Variants in PARG observed in about 807,000 individuals in gnomAD.
PARG encodes mitochondrial poly(ADP-ribose) glycohydrolase.
A neutral mutation model predicts 113.0 loss-of-function variants in PARG; 35 were observed. The observed-to-expected ratio is 0.31, with a 90% CI of 0.24 to 0.41. The LOEUF is 0.41. PARG is among the 10% of genes least tolerant of loss of function. The pLI is 1.00. For missense variants in PARG, 797 were observed against 1,169.4 expected (o/e 0.68, Z 4.64); for synonymous variants, 330 against 409.9 (o/e 0.81, Z 2.36).
chr10:49,853,949 A>G (rs2132505329), intron 13 of PARG, among the ~76,000 whole-genome samples: 1 of 151,768 alleles, frequency 6.6e-6, no homozygotes, highest in Middle Eastern at 3.4e-3. Flanking sequence ...AAACCTCTGA[A>G]AACTCTCTCC....
chr10:49,921,179 C>G (rs1472581985), intron 6 of PARG, among the ~76,000 whole-genome samples: 2 of 152,148 alleles, frequency 1.3e-5, no homozygotes, highest in African/African-American at 2.4e-5. Flanking sequence ...ACTGATCCCC[C>G]ATCTACTATC....
At chr10:49,922,696 C>T (rs1421529285) in intron 4 of PARG, 27 bp from the exon 5 acceptor site, 2 of 1,462,422 alleles carry the variant, frequency 1.4e-6, no homozygotes, top group Non-Finnish European at 1.9e-6. Flanking sequence ...ACAAAATTGT[C>T]AGTGCATAAA....
intron 16 of PARG, among the ~76,000 whole-genome samples, chr10:49,831,838 C>G (rs147153636): frequency 7.9e-5 from 12 of 152,184 alleles, no homozygotes; most frequent in African/African-American, 2.9e-4. Context: ...AATTATGGAA[C>G]CTGAGGTGGG....
chr10:49,894,547 TGTATA>T (rs1847982240), intron 7 of PARG, among the ~76,000 whole-genome samples: 1 of 152,166 alleles, frequency 6.6e-6, no homozygotes, highest in Non-Finnish European at 1.5e-5. Flanking sequence ...TTATTTTCTA[TGTATA>T]GTATGTGGGA....
chr10:49,941,765 C>T lies in PARG; in HGVS notation c.-40G>A, dbSNP rs1839096037. ...CGCACTGTCCCCGGGCCGGCCCGGG[C>T]GGAGAGCCTCATTCACTAACCCTGA... On this transcript the variant is annotated 5_prime_UTR_variant, in exon 1 of 18. Transcript: ENST00000616448. 5 of 1,543,592 alleles carry T rather than the reference C, an allele frequency of 3.2e-6. No individual in the cohort carries two copies. The highest frequency in any genetic ancestry group is 4.4e-6 in the Non-Finnish European group (5 of 1,148,606).
intron 15 of PARG, among the ~76,000 whole-genome samples, chr10:49,836,306 A>AT (rs1844922089): frequency 3.8e-5 from 1 of 26,282 alleles, no homozygotes; most frequent in African/African-American, 7.0e-5. Flanking sequence ...ATTTCTTACG[A>AT]CTTTTTTTTT....
intron 7 of PARG, among the ~76,000 whole-genome samples, chr10:49,897,634 A>G (rs1274915890): frequency 2.0e-5 from 3 of 152,230 alleles, no homozygotes; most frequent in Admixed American, 6.5e-5. Context: ...TTATCTTCAA[A>G]GTATCCTTGC....
intron 15 of PARG, among the ~76,000 whole-genome samples, chr10:49,837,140 T>C (rs1844979010): frequency 6.6e-6 from 1 of 152,094 alleles, no homozygotes; most frequent in African/African-American, 2.4e-5. Flanking sequence ...CCAACTCTAC[T>C]TGCAGGTCAC....
rs367672961 is a variant in PARG at position 49,832,889 on chromosome 10, C to T, written c.2561G>A (p.Arg854His). 52 of 1,546,822 alleles carry T rather than the reference C, an allele frequency of 3.4e-5. No homozygotes were observed. Among genetic ancestry groups the T allele is most frequent in the African/African-American group, 6.9e-5 (5 of 72,904 alleles). The change falls in exon 16 of 18, where the codon CGT becomes CAT. Residue 854 changes from arginine to histidine, a missense_variant. Physicochemically the swap from Arg to His is conservative, Grantham distance 29. Around this residue, in one of 5 missense-constraint regions of PARG, gnomAD observed 194 missense variants for 247.1 expected, o/e 0.79. Transcript: ENST00000616448. The part of the protein sequence containing the change: ...ELNKAYCGFL[R>H]PGVSSENLSA... ...AAGATTCTCTGAAGAAACTCCAGGA[C>T]GGAGAAATCCACAGTAAGCCTGCAG... is the stretch of plus-strand genomic sequence containing the variant.
chr10:49,843,868 T>A (rs936904287), intron 13 of PARG, among the ~76,000 whole-genome samples: 2 of 152,146 alleles, frequency 1.3e-5, no homozygotes, highest in Non-Finnish European at 2.9e-5. Flanking sequence ...ATCACTGAAC[T>A]AAAGAGAGAG....
intron 10 of PARG, 84 bp downstream of exon 10, chr10:49,869,392 A>G (rs1388614371): frequency 3.0e-6 from 2 of 668,614 alleles, no homozygotes; most frequent in African/African-American, 3.7e-5. Flanking sequence ...GTTTACGTTA[A>G]ACACAAAATG....
At chr10:49,892,919 T>A (rs1173896224) in intron 7 of PARG, among the ~76,000 whole-genome samples, 2 of 152,216 alleles carry the variant, frequency 1.3e-5, no homozygotes, top group Non-Finnish European at 2.9e-5. Context: ...CTATCTCTAC[T>A]AAAAATACAA....
At chr10:49,836,677 C>A (rs1038487478) in intron 15 of PARG, among the ~76,000 whole-genome samples, 10 of 152,270 alleles carry the variant, frequency 6.6e-5, no homozygotes, top group African/African-American at 2.2e-4. Flanking sequence ...TATGAAAAGA[C>A]TGTAAGTGCT....
At chr10:49,878,447 G>A (rs555904349) in intron 9 of PARG, among the ~76,000 whole-genome samples, 4 of 149,990 alleles carry the variant, frequency 2.7e-5, no homozygotes, top group East Asian at 2.0e-4. Flanking sequence ...GTGAAACCCC[G>A]TCTCTACTAA....
At chr10:49,927,593 A>G (rs3106113) in intron 4 of PARG, among the ~76,000 whole-genome samples, 1 of 152,120 alleles carries the variant, frequency 6.6e-6, no homozygotes, top group Non-Finnish European at 1.5e-5. Context: ...AGAATTGGCT[A>G]AGGAGGAAGA....
chr10:49,831,541 G>A (rs899395440), intron 16 of PARG, among the ~76,000 whole-genome samples: 3 of 152,094 alleles, frequency 2.0e-5, no homozygotes, highest in Non-Finnish European at 4.4e-5. Context: ...TGCACATCCG[G>A]GAGTCAGGGG....
At chr10:49,917,138 G>A (rs186438739) in intron 6 of PARG, among the ~76,000 whole-genome samples, 697 of 152,234 alleles carry the variant, frequency 4.6e-3, no homozygotes, top group East Asian at 0.018. Flanking sequence ...TAGCCAGAAA[G>A]AGTGAAAGAG....
At position 49,869,514 on chromosome 10, in the gene PARG, T is replaced by G. The variant is rs1554837516; in HGVS notation, c.2030A>C (p.Lys677Thr). 2 of 1,249,376 alleles carry G rather than the reference T, an allele frequency of 1.6e-6. No individual in the cohort carries two copies. The highest frequency in any genetic ancestry group is 3.0e-5 in the African/African-American group (2 of 67,542). The allele number at this position is 1,249,376 out of a possible 1,614,324, so 77.4% of individuals were successfully genotyped here. A position where few individuals can be genotyped will look rare whatever the true frequency, so the allele number is the denominator to read the frequency against. ...TCTTCTAAAGTAGCAGAAGAGCGTT[T>G]TAAGTTTCTCCGGTTTCCTTGATGA... ...GRSSRKPEKL[K>T]TLFCYFRRVT... The change falls in exon 10 of 18, where the codon AAA becomes ACA. Residue 677 changes from lysine to threonine, a missense_variant. Physicochemically the swap from Lys to Thr is moderately conservative, Grantham distance 78. This residue lies in a region of PARG where 40 missense variants were observed against 124.5 expected (regional missense o/e 0.32). Coordinates refer to ENST00000616448, the MANE Select transcript of PARG (RefSeq NM_003631.5).
chr10:49,842,038 C>A lies in PARG; in HGVS notation c.2453G>T (p.Cys818Phe). The A allele has an allele frequency of 1.3e-6, 2 of 1,549,780 alleles. No homozygotes were observed. Among genetic ancestry groups the A allele is most frequent in the Non-Finnish European group, 1.7e-6 (2 of 1,146,434 alleles). ...GSERDDWQRR[C>F]TEIVAIDALH... ...AGCATCGATGGCAACGATCTCAGTG[C>A]AGCGCCGCTGCCAGTCGTCCCTGGG... Residue 818 changes from cysteine (C) to phenylalanine (F), a missense_variant, in exon 15 of 18, where the codon TGC becomes TTC. Transcript: ENST00000616448.
Sources: allele counts gnomAD v4.1 joint callset (sites outside exome capture counted in the v4.1 genomes callset), GRCh38; gene constraint gnomAD v4.1.1; regional missense constraint gnomAD v4.1.1; transcripts MANE v1.5; gene names NCBI Gene and HGNC (gene_info 2026-07-23, HGNC 2026-07-21).